KLF13: variants seen among roughly 807,000 people sequenced by gnomAD.
KLF13 encodes KLF transcription factor 13.
In KLF13, 8 loss-of-function variants were observed where a neutral mutation model predicts 16.7. The observed-to-expected ratio is 0.48, with a 90% confidence interval of 0.28 to 0.87. The LOEUF (loss-of-function observed/expected upper bound fraction) is 0.87, where lower values mean the gene tolerates loss of function less well. Ranked by LOEUF, KLF13 falls within the 40% of genes least tolerant of loss-of-function variation. KLF13 has a pLI of 0.10. For synonymous variants in KLF13, 245 were observed against 208.4 expected (o/e 1.18, Z -1.51); for missense variants, 447 against 452.2 (o/e 0.99, Z 0.10).
At chr15:31,392,512 G>A (rs2039886375), upstream of KLF13, among the ~76,000 whole-genome samples, 1 of 152,182 alleles carries the variant, frequency 6.6e-6, no homozygotes, top group African/African-American at 2.4e-5. Flanking sequence ...CGCTCCTCAG[G>A]ACCCTGACGG....
chr15:31,379,393 G>A (rs1365543347), downstream of KLF13, among the ~76,000 whole-genome samples: 1 of 151,922 alleles, frequency 6.6e-6, no homozygotes, highest in Non-Finnish European at 1.5e-5. Flanking sequence ...GGGTGGATCC[G>A]CTTCCATAAA....
intron 1 of KLF13, among the ~76,000 whole-genome samples, chr15:31,429,207 G>A (rs991042404): frequency 3.3e-5 from 5 of 151,988 alleles, no homozygotes; most frequent in Admixed American, 1.3e-4. Flanking sequence ...TCAGTGCAGC[G>A]TTTTCAGGTG....
At chr15:31,337,588 T>C (rs996021480) in intron 1 of KLF13, among the ~76,000 whole-genome samples, 4 of 152,238 alleles carry the variant, frequency 2.6e-5, no homozygotes, top group Non-Finnish European at 4.4e-5. Flanking sequence ...CTAAATGGCA[T>C]AGCCTACTGC....
chr15:31,422,912 C>G (rs533030030), intron 1 of KLF13, among the ~76,000 whole-genome samples: 1 of 151,556 alleles, frequency 6.6e-6, no homozygotes, highest in East Asian at 2.0e-4. Flanking sequence ...TGGTGGACAC[C>G]TGTAGTCCCA....
chr15:31,405,723 G>A (rs1331939729), downstream of KLF13, among the ~76,000 whole-genome samples: 10 of 152,174 alleles, frequency 6.6e-5, no homozygotes, highest in African/African-American at 1.9e-4. Context: ...AGCCTTCCCA[G>A]GAAGGGGAGA....
At chr15:31,329,157 C>T (rs768080948) in intron 1 of KLF13, among the ~76,000 whole-genome samples, 4 of 145,720 alleles carry the variant, frequency 2.7e-5, no homozygotes, top group African/African-American at 1.0e-4. Context: ...AGGGTGAGAG[C>T]GGGGCCATTT....
At chr15:31,363,482 T>G (rs1431288672) in intron 1 of KLF13, among the ~76,000 whole-genome samples, 3 of 152,222 alleles carry the variant, frequency 2.0e-5, no homozygotes, top group Admixed American at 6.5e-5. Flanking sequence ...TTTTGTGCAG[T>G]CAAATAGATT....
chr15:31,407,366 G>A (rs1467456724), downstream of KLF13, among the ~76,000 whole-genome samples: 1 of 152,124 alleles, frequency 6.6e-6, no homozygotes, highest in Admixed American at 6.5e-5. Flanking sequence ...ATTTTGCCAT[G>A]AACTACGAGA....
chr15:31,327,166 G>A lies in KLF13; in HGVS notation c.-47G>A. On this transcript the variant is annotated 5_prime_UTR_variant, in exon 1 of 2. Coordinates refer to ENST00000307145, the MANE Select transcript of KLF13 (RefSeq NM_015995.4). Reference sequence around the variant, plus strand: ...CCGAGGCCGTGGGTGCGGATGCGCGGCTGACGACTCGCAGCAAGAGCACCG... The same window carrying A: ...CCGAGGCCGTGGGTGCGGATGCGCGACTGACGACTCGCAGCAAGAGCACCG... 4.7e-6 allele frequency: 6 copies of A among 1,274,360 alleles called. No individual in the cohort carries two copies. Among genetic ancestry groups the A allele is most frequent in the South Asian group, 4.2e-5 (2 of 47,810 alleles). The allele number at this position is 1,274,360 out of a possible 1,614,324, so 78.9% of individuals were successfully genotyped here. A position where few individuals can be genotyped will look rare whatever the true frequency, so the allele number is the denominator to read the frequency against.
intron 2 of KLF13, among the ~76,000 whole-genome samples, chr15:31,397,357 C>G (rs767749638): frequency 2.0e-5 from 3 of 152,252 alleles, no homozygotes; most frequent in Non-Finnish European, 2.9e-5. Flanking sequence ...TAATTACGAG[C>G]CCAGAGAGCC....
chr15:31,356,477 G>A (rs1364763826), intron 1 of KLF13, among the ~76,000 whole-genome samples: 4 of 152,216 alleles, frequency 2.6e-5, no homozygotes, highest in Non-Finnish European at 5.9e-5. Flanking sequence ...GCTTGAACCC[G>A]GGAGACAGAG....
rs753239751 is a variant in KLF13, at chr15:31,372,326, C to T, written c.*27C>T. On this transcript the variant is annotated 3_prime_UTR_variant, in exon 2 of 2. Transcript: ENST00000307145. ...CCCGCCACAGCCATGAGCAGCCGCT[C>T]CCACCCCCTCGTGAGTCCCTGGCCT... The T allele has an allele frequency of 1.3e-5, 19 of 1,440,304 alleles. No individual in the cohort carries two copies. The highest frequency in any genetic ancestry group is 2.3e-4 in the Middle Eastern group (1 of 4,436). The allele number at this position is 1,440,304 out of a possible 1,614,324, so 89.2% of individuals were successfully genotyped here.
chr15:31,364,631 C>G (rs1320597655), intron 1 of KLF13, among the ~76,000 whole-genome samples: 1 of 152,264 alleles, frequency 6.6e-6, no homozygotes, highest in East Asian at 1.9e-4. Flanking sequence ...ATGACAATCC[C>G]TGAGGCATCA....
intron 1 of KLF13, among the ~76,000 whole-genome samples, chr15:31,354,755 T>C (rs28490143): frequency 0.43 from 64,600 of 151,978 alleles, 14,655 homozygotes; most frequent in East Asian, 0.56. Flanking sequence ...ACACCCACAT[T>C]TTCAGCACCT....
intron 1 of KLF13, among the ~76,000 whole-genome samples, chr15:31,364,111 A>G (rs2039427606): frequency 6.6e-6 from 1 of 150,466 alleles, no homozygotes; most frequent in African/African-American, 2.5e-5. Context: ...ACTGTGTTGA[A>G]TCCTGGTGGT....
intron 1 of KLF13, chr15:31,420,370 CT>C: frequency 8.8e-7 from 1 of 1,134,432 alleles, no homozygotes; most frequent in Non-Finnish European, 1.3e-6. Flanking sequence ...GGTATAAGCT[CT>C]TGCTAGAGTT....
intron 1 of KLF13, among the ~76,000 whole-genome samples, chr15:31,383,920 TAAATAAAATA>T (rs140235839): frequency 6.6e-6 from 1 of 151,152 alleles, no homozygotes; most frequent in African/African-American, 2.4e-5. Flanking sequence ...AATAAATAAA[TAAATAAAATA>T]AAATAAAAAT....
chr15:31,396,857 G>A (rs1049530707), intron 2 of KLF13, among the ~76,000 whole-genome samples: 2 of 152,148 alleles, frequency 1.3e-5, no homozygotes, highest in Non-Finnish European at 2.9e-5. Flanking sequence ...TTGGGAAAGG[G>A]ATGTTACAGT....
chr15:31,419,646 T>C (rs1361194418), intron 1 of KLF13, among the ~76,000 whole-genome samples: 1 of 152,094 alleles, frequency 6.6e-6, no homozygotes, highest in Non-Finnish European at 1.5e-5. Context: ...AAAGGATTAG[T>C]AAAAGTGAAG....
Sources: allele counts gnomAD v4.1 joint callset (sites outside exome capture counted in the v4.1 genomes callset), GRCh38; gene constraint gnomAD v4.1.1; transcripts MANE v1.5; gene names NCBI Gene and HGNC (gene_info 2026-07-23, HGNC 2026-07-21).